MAN1A1: variants seen among roughly 807,000 people sequenced by gnomAD.
The protein encoded by MAN1A1 is mannosyl-oligosaccharide 1,2-alpha-mannosidase IA.
Under a neutral mutation model 70.8 loss-of-function variants are expected in MAN1A1, and 29 were observed. The observed-to-expected ratio is 0.41, with a 90% CI of 0.31 to 0.56. The LOEUF is 0.56. Ranked by LOEUF, MAN1A1 falls within the 20% of genes least tolerant of loss-of-function variation. The pLI is 0.29. For missense variants in MAN1A1, 747 were observed against 841.3 expected (o/e 0.89, Z 1.39); for synonymous variants, 349 against 330.1 (o/e 1.06, Z -0.62).
intron 5 of MAN1A1, among the ~76,000 whole-genome samples, chr6:119,289,830 G>T (rs1776484409): frequency 6.6e-6 from 1 of 151,956 alleles, no homozygotes; most frequent in South Asian, 2.1e-4. Flanking sequence ...AAGGAGCATA[G>T]CAATACATGA....
rs190543889 is a variant in MAN1A1 at position 119,180,082 on chromosome 6, C to T, written c.1836-137G>A. The stretch of plus-strand genomic sequence containing the variant: ...GGACAAGAGTCAAATATATCAAAAC[C>T]CTGAGGGGTTATACTCATTAACATG... On this transcript the variant is annotated intron_variant, in intron 12 of 12. Coordinates refer to ENST00000368468, the MANE Select transcript of MAN1A1 (RefSeq NM_005907.4). The T allele has an allele frequency of 4.7e-4, 452 of 955,838 alleles. 3 individuals carry two copies. The African/African-American group carries it at 6.6e-3, about 14-fold the overall frequency. The allele number at this position is 955,838 out of a possible 1,614,324, so 59.2% of individuals were successfully genotyped here.
chr6:119,187,614 T>G (rs978646140), intron 11 of MAN1A1, among the ~76,000 whole-genome samples: 7 of 152,218 alleles, frequency 4.6e-5, no homozygotes, highest in African/African-American at 1.7e-4. Context: ...TCATGGACAG[T>G]TTTTAAAGAT....
chr6:119,225,146 T>TA (rs534910366), intron 6 of MAN1A1, among the ~76,000 whole-genome samples: 49 of 147,502 alleles, frequency 3.3e-4, no homozygotes, highest in East Asian at 1.4e-3. Flanking sequence ...TCTGTCTCAA[T>TA]AAAAAAAAAA....
At chr6:119,185,337 C>G (rs1159683166) in intron 11 of MAN1A1, among the ~76,000 whole-genome samples, 1 of 152,132 alleles carries the variant, frequency 6.6e-6, no homozygotes, top group African/African-American at 2.4e-5. Flanking sequence ...GGATTATATA[C>G]CTTTTCACAT....
chr6:119,348,927 C>T lies in MAN1A1; in HGVS notation c.139G>A (p.Val47Ile). ...RLTEKFVLLLVFSAFITLCFG... is the reference protein window; with the variant it reads ...RLTEKFVLLLIFSAFITLCFG... Reference sequence around the variant, plus strand: ...CAGAGCGTGATGAAGGCGCTGAATACCAGCAGCAGCACGAACTTCTCCGTC... The same window carrying T: ...CAGAGCGTGATGAAGGCGCTGAATATCAGCAGCAGCACGAACTTCTCCGTC... Residue 47 changes from valine (V) to isoleucine (I), a missense_variant, in exon 2 of 13, where the codon GTA becomes ATA. Physicochemically the swap from Val to Ile is conservative, Grantham distance 29 (BLOSUM62 3). This residue lies in a region of MAN1A1 where 328 missense variants were observed against 293.1 expected (regional missense o/e 1.12). Coordinates refer to ENST00000368468, the MANE Select transcript of MAN1A1 (RefSeq NM_005907.4). The T allele has an allele frequency of 6.5e-7, 1 of 1,533,816 alleles. No homozygotes were observed. The highest frequency in any genetic ancestry group is 8.8e-7 in the Non-Finnish European group (1 of 1,140,676).
intron 6 of MAN1A1, among the ~76,000 whole-genome samples, chr6:119,209,717 T>G (rs994188804): frequency 2.6e-5 from 4 of 152,174 alleles, no homozygotes; most frequent in African/African-American, 7.2e-5. Context: ...CTGAAAAGGT[T>G]TGCACAGTGC....
chr6:119,301,885 T>C lies in MAN1A1; in HGVS notation c.816+103A>G, dbSNP rs562572561. The C allele has an allele frequency of 2.1e-5, 13 of 629,306 alleles. No homozygotes were observed. The South Asian group carries it at 2.7e-4, about 13-fold the overall frequency. 39.0% of individuals were successfully genotyped at this position (629,306 alleles called of 1,614,324 possible). A position where few individuals can be genotyped will look rare whatever the true frequency, so the allele number is the denominator to read the frequency against. On this transcript the variant is annotated intron_variant, in intron 4 of 12. Coordinates refer to ENST00000368468, the MANE Select transcript of MAN1A1 (RefSeq NM_005907.4). ...ATTTGTACTACCTAAAGTTGCAATATTTTTGTTAGGGTACATTATAATACA... is the reference window on the plus strand; with the variant it reads ...ATTTGTACTACCTAAAGTTGCAATACTTTTGTTAGGGTACATTATAATACA...
chr6:119,238,307 C>G (rs1044408404), intron 6 of MAN1A1, among the ~76,000 whole-genome samples: 7 of 152,104 alleles, frequency 4.6e-5, no homozygotes, highest in African/African-American at 1.7e-4. Context: ...TACGGAAGAC[C>G]TCTTGTAAAA....
At chr6:119,216,108 A>G (rs1324428221) in intron 6 of MAN1A1, among the ~76,000 whole-genome samples, 1 of 152,208 alleles carries the variant, frequency 6.6e-6, no homozygotes, top group Non-Finnish European at 1.5e-5. Context: ...GGGCCTCTGG[A>G]GAGCTGATGC....
In MAN1A1 at chr6:119,279,318, T is replaced by C. The variant is rs191961952; in HGVS notation, c.897+11365A>G. Among the ~76,000 whole-genome samples the C allele has an allele frequency of 1.8e-3, 277 of 152,366 alleles. 3 individuals are homozygous for C. The highest frequency in any genetic ancestry group is 6.3e-3 in the African/African-American group (262 of 41,582). ...TATATTCATCTTGGACTGCATGGTC[T>C]ATACATTCAATAAATTCTGCCAATA... On this transcript the variant is annotated intron_variant, in intron 5 of 12. Coordinates refer to ENST00000368468, the MANE Select transcript of MAN1A1 (RefSeq NM_005907.4).
In MAN1A1 at chr6:119,327,645, T is replaced by C. The variant is rs78934227; in HGVS notation, c.604-20653A>G. Among the ~76,000 whole-genome samples the C allele has an allele frequency of 5.9e-3, 897 of 152,248 alleles. 30 individuals are homozygous for C. The East Asian group carries it at 0.091, about 15-fold the overall frequency. ...AGATGGTAGTAAAACATGGTGACTA[T>C]AGCTAAGAACACTGTACTGTATACT... On this transcript the variant is annotated intron_variant, in intron 2 of 12. Coordinates refer to ENST00000368468, the MANE Select transcript of MAN1A1 (RefSeq NM_005907.4).
rs185445040 is a variant in MAN1A1 at position 119,219,664 on chromosome 6, T to C, written c.993-14782A>G. 1.3e-3 allele frequency among the ~76,000 whole-genome samples: 196 copies of C among 151,180 alleles called. 2 individuals are homozygous for C. The East Asian group carries it at 0.024, about 19-fold the overall frequency. On this transcript the variant is annotated intron_variant, in intron 6 of 12. Transcript: ENST00000368468. ...AATTCACCAAATGTTCACTTGGAGA[T>C]AGAATTGTAACACAAGTAGTAATGA...
intron 6 of MAN1A1, among the ~76,000 whole-genome samples, chr6:119,237,596 T>G (rs1428351559): frequency 6.6e-6 from 1 of 152,156 alleles, no homozygotes; most frequent in East Asian, 1.9e-4. Context: ...TCAAACATAG[T>G]GTGGATGGCC....
chr6:119,318,105 C>G (rs369366453), intron 2 of MAN1A1, among the ~76,000 whole-genome samples: 1 of 152,124 alleles, frequency 6.6e-6, no homozygotes, highest in Non-Finnish European at 1.5e-5. Context: ...ACCAGAAATG[C>G]TGGTTCCTAA....
chr6:119,254,993 T>C (rs533962384), intron 5 of MAN1A1, among the ~76,000 whole-genome samples: 27 of 152,318 alleles, frequency 1.8e-4, no homozygotes, highest in African/African-American at 6.3e-4. Context: ...TTTTAAAAAC[T>C]TCAAAATTTA....
chr6:119,301,406 G>A (rs1772385477), intron 4 of MAN1A1, among the ~76,000 whole-genome samples: 1 of 152,064 alleles, frequency 6.6e-6, no homozygotes, highest in African/African-American at 2.4e-5. Context: ...TATACAATGG[G>A]CCATGAAATA....
At chr6:119,240,572 T>G (rs1774977102) in intron 6 of MAN1A1, among the ~76,000 whole-genome samples, 1 of 152,056 alleles carries the variant, frequency 6.6e-6, no homozygotes, top group Non-Finnish European at 1.5e-5. Flanking sequence ...AAAAACCCAT[T>G]TACCTGAGTG....
chr6:119,256,758 TG>T (rs1240657224), intron 5 of MAN1A1, among the ~76,000 whole-genome samples: 4 of 152,140 alleles, frequency 2.6e-5, no homozygotes, highest in Admixed American at 2.6e-4. Flanking sequence ...TTTTGTAAAA[TG>T]GGAACACTCG....
At position 119,316,492 on chromosome 6, in the gene MAN1A1, T is replaced by C. The variant is rs75973649; in HGVS notation, c.604-9500A>G. Among the ~76,000 whole-genome samples, 897 of 152,230 alleles carry C rather than the reference T, an allele frequency of 5.9e-3. 30 individuals are homozygous for C. The East Asian group carries it at 0.091, about 15-fold the overall frequency. On this transcript the variant is annotated intron_variant, in intron 2 of 12. Transcript: ENST00000368468. ...AAAAAAGGTATTCCTTGCTGGGATA[T>C]CACAGATGCTCCCTTAATATCCTAA...
Sources: gnomAD v4.1 joint callset for allele counts (sites outside exome capture counted in the v4.1 genomes callset) on GRCh38, gnomAD v4.1.1 for gene constraint, gnomAD v4.1.1 regional missense constraint, MANE v1.5 for transcripts, NCBI Gene and HGNC (gene_info 2026-07-23, HGNC 2026-07-21) for gene names.